The following RTEL1 variants were observed in gnomAD, a reference collection of about 807,000 sequenced individuals.
The protein encoded by RTEL1 is regulator of telomere length.
In RTEL1, 86 loss-of-function variants were observed where a neutral mutation model predicts 162.2. The ratio of observed to expected loss-of-function variants is 0.53; its 90% confidence interval spans 0.45 to 0.63. The LOEUF (loss-of-function observed/expected upper bound fraction) is 0.63. Ranked by LOEUF, RTEL1 falls within the 30% of genes least tolerant of loss-of-function variation. The probability of loss-of-function intolerance (pLI) is 0.00; values close to 1 mark genes in which losing one functional copy is unlikely to be tolerated. For synonymous variants in RTEL1, 958 were observed against 717.9 expected, an observed-to-expected ratio of 1.33 and a Z score of -5.35; for missense variants, 1,941 against 1,750.2, an observed-to-expected ratio of 1.11 and a Z score of -1.95.
At chr20:63,685,269 C>T (rs1011603950) in intron 14 of RTEL1, among the ~76,000 whole-genome samples, 5 of 152,068 alleles carry the variant, frequency 3.3e-5, no homozygotes, top group African/African-American at 4.8e-5. Flanking sequence ...AGAGGCCCCT[C>T]GGGCTGCCGC....
rs1439083504 is a variant in RTEL1 at position 63,661,275 on chromosome 20, C to T, written c.103-23C>T. The T allele has an allele frequency of 1.2e-6, 2 of 1,608,344 alleles. No individual in the cohort carries two copies. Among genetic ancestry groups the T allele is most frequent in the Non-Finnish European group, 1.7e-6 (2 of 1,177,506 alleles). On this transcript the variant is annotated intron_variant, in intron 2 of 34. Transcript: ENST00000360203. This position sits in a 1 kb window ranked among gnomAD's most constrained non-coding sequence, Gnocchi z 5.1. ...TCGCCTCTTCCTGGCTTCCCCGTAA[C>T]CCTTGCTCCGAACTCCGTTCAGAAG...
intron 1 of RTEL1, 117 bp downstream of exon 1, chr20:63,658,583 G>C (rs1233359333): frequency 6.6e-6 from 1 of 152,278 alleles, no homozygotes; most frequent in Non-Finnish European, 1.5e-5. Context: ...GCCGCGGGTC[G>C]GCGGATTGGC....
chr20:63,695,284 A>G (rs776900725), intron 33 of RTEL1, 44 bp from the exon 34 acceptor site: 1 of 1,593,490 alleles, frequency 6.3e-7, no homozygotes, highest in South Asian at 1.1e-5. Flanking sequence ...GGGAGTGAGC[A>G]GCAAAGCCCC....
chr20:63,690,722 C>T, intron 26 of RTEL1, 83 bp from the exon 27 acceptor site: 1 of 1,454,794 alleles, frequency 6.9e-7, no homozygotes, highest in Non-Finnish European at 9.2e-7. Context: ...CTGGGACTCT[C>T]CCCCAAGAGG....
chr20:63,667,423 C>G (rs1359192958), intron 7 of RTEL1, 46 bp from the exon 8 acceptor site: 1 of 1,481,558 alleles, frequency 6.7e-7, no homozygotes, highest in African/African-American at 1.4e-5. Context: ...GGGGCACCGT[C>G]CCCTGCATGG....
Position 63,690,346 on chromosome 20 carries a change from C to T in RTEL1, c.2318C>T (p.Ala773Val), listed in dbSNP as rs746270116. ...ATAPSVRGED[A>V]VSEAKSPGPF... Reference sequence around the variant, plus strand: ...GCACCCAGTGTGCGTGGAGAAGATGCTGTCAGCGAGGCCAAGTCGCCTGGC... The same window carrying T: ...GCACCCAGTGTGCGTGGAGAAGATGTTGTCAGCGAGGCCAAGTCGCCTGGC... Residue 773 changes from alanine (A) to valine (V), a missense_variant, in exon 26 of 35, where the codon GCT (alanine) becomes GTT (valine). Ala to Val is a moderately conservative substitution (Grantham distance 64). Coordinates refer to ENST00000360203, the MANE Select transcript of RTEL1 (RefSeq NM_001283009.2). 1.2e-6 allele frequency: 2 copies of T among 1,611,654 alleles called. No individual in the cohort carries two copies. The highest frequency in any genetic ancestry group is 1.1e-5 in the South Asian group (1 of 91,006).
chr20:63,694,217 G>A (rs2090905681), intron 30 of RTEL1, 155 bp from the exon 31 acceptor site: 1 of 668,010 alleles, frequency 1.5e-6, no homozygotes, highest in Non-Finnish European at 2.7e-6. Context: ...TGTCTCCTCT[G>A]ATGCCCCCAG....
intron 9 of RTEL1, among the ~76,000 whole-genome samples, chr20:63,673,461 CAG>C (rs1329334654): frequency 2.0e-5 from 3 of 152,120 alleles, no homozygotes; most frequent in African/African-American, 7.2e-5. Context: ...TTTGTTGAGA[CAG>C]GGTCTCCTTC....
rs762474261 is a variant in RTEL1 at position 63,693,276 on chromosome 20, C to G, written c.2985C>G (p.Asp995Glu). The G allele has an allele frequency of 3.1e-6, 5 of 1,611,620 alleles. No individual in the cohort carries two copies. In the African/African-American group the frequency reaches 5.3e-5, roughly 17 times the overall value. ...GGCAGCGGGCACAGCCGGTCCTGGACCCCACTGGTAAATGGGGCCCCAGGT... is the reference window on the plus strand; with the variant it reads ...GGCAGCGGGCACAGCCGGTCCTGGAGCCCACTGGTAAATGGGGCCCCAGGT... ...PRRQRAQPVL[D>E]PTGRTAPDPK... The change falls in exon 30 of 35, where the codon GAC becomes GAG. Residue 995 changes from aspartate to glutamate, a missense_variant. By Grantham distance (45) the Asp-to-Glu change is conservative. Transcript: ENST00000360203.
At chr20:63,685,140 A>T (rs2090563244) in intron 14 of RTEL1, among the ~76,000 whole-genome samples, 1 of 142,768 alleles carries the variant, frequency 7.0e-6, no homozygotes, top group Non-Finnish European at 1.5e-5. Context: ...TGCTCCTCTC[A>T]GCCTCCCGGA....
intron 12 of RTEL1, among the ~76,000 whole-genome samples, chr20:63,678,961 T>G (rs2090428539): frequency 6.6e-6 from 1 of 152,134 alleles, no homozygotes; most frequent in African/African-American, 2.4e-5. Context: ...TTCCTGCAGT[T>G]TCTCCTCCTC....
intron 8 of RTEL1, among the ~76,000 whole-genome samples, chr20:63,671,365 A>AAG (rs2090237864): frequency 6.6e-6 from 1 of 151,988 alleles, no homozygotes; most frequent in African/African-American, 2.4e-5. Context: ...GGCTGGACCT[A>AAG]CTGTTTTATT....
chr20:63,689,750 T>G lies in RTEL1; in HGVS notation c.2026T>G (p.Phe676Val), dbSNP rs1384028901. 4 of 1,611,500 alleles carry G rather than the reference T, an allele frequency of 2.5e-6. No homozygotes were observed. The highest frequency in any genetic ancestry group is 3.4e-6 in the Non-Finnish European group (4 of 1,179,238). Residue 676 changes from phenylalanine (F) to valine (V), a missense_variant and splice_region_variant, in exon 24 of 35, where the codon TTC becomes GTC. By Grantham distance (50) the Phe-to-Val change is conservative. Transcript: ENST00000360203. ...GTGACCGAGCCGCCTCGCCCCACAG[T>G]TCCTCTCTGGGCAGGAGTGGTACCG... ...MKGQGGAGGQ[F>V]LSGQEWYRQQ... is the part of the protein sequence containing the mutation.
intron 14 of RTEL1, chr20:63,681,301 T>C: frequency 1.0e-6 from 1 of 985,306 alleles, no homozygotes; most frequent in Non-Finnish European, 1.2e-6. Context: ...CTTGTCCGGT[T>C]TGTGGAGGGC....
At chr20:63,674,384 C>T (rs1170857220) in intron 10 of RTEL1, among the ~76,000 whole-genome samples, 1 of 152,202 alleles carries the variant, frequency 6.6e-6, no homozygotes, top group Non-Finnish European at 1.5e-5. Flanking sequence ...TTCAGTAGTT[C>T]TGGTATTTTC....
At chr20:63,680,597 G>A (rs2090459098) in intron 13 of RTEL1, 67 bp from the exon 14 acceptor site, 1 of 1,553,972 alleles carries the variant, frequency 6.4e-7, no homozygotes, top group Non-Finnish European at 8.8e-7. Flanking sequence ...CATGCTGGAA[G>A]GGCCGGGGCT....
intron 13 of RTEL1, 36 bp from the exon 14 acceptor site, chr20:63,680,628 C>T: frequency 1.2e-6 from 2 of 1,610,694 alleles, no homozygotes; most frequent in Non-Finnish European, 1.7e-6. Flanking sequence ...CCTCCCCTGC[C>T]TGCAGTGTGG....
chr20:63,666,871 G>C (rs548298574), intron 7 of RTEL1, among the ~76,000 whole-genome samples: 2 of 121,378 alleles, frequency 1.6e-5, no homozygotes, highest in African/African-American at 6.5e-5. Context: ...ACGGAGTCTC[G>C]CTCTGTCGCC....
rs1191640074 is a variant in RTEL1 at position 63,661,443 on chromosome 20, A to G, written c.248A>G (p.Asp83Gly). Residue 83 changes from aspartate (D) to glycine (G), a missense_variant, in exon 3 of 35, where the codon GAT becomes GGT. Coordinates refer to ENST00000360203, the MANE Select transcript of RTEL1 (RefSeq NM_001283009.2). This position sits in a 1 kb window ranked among gnomAD's most constrained non-coding sequence, Gnocchi z 5.1. ...AERAQGELFPDRALSSWGNAA... is the reference protein window; with the variant it reads ...AERAQGELFPGRALSSWGNAA... ...AGGGCGCAAGGAGAGCTTTTCCCGG[A>G]TCGGGCCTTGTCATCCTGGGGCAAC... is the stretch of plus-strand genomic sequence containing the variant. 2.5e-6 allele frequency: 4 copies of G among 1,613,358 alleles called. No individual in the cohort carries two copies. Among genetic ancestry groups the G allele is most frequent in the East Asian group, 4.5e-5 (2 of 44,858 alleles).
Sources: gnomAD v4.1 joint callset for allele counts (sites outside exome capture counted in the v4.1 genomes callset) on GRCh38, gnomAD v4.1.1 for gene constraint, Gnocchi (gnomAD v3.1) non-coding constraint, MANE v1.5 for transcripts, NCBI Gene and HGNC (gene_info 2026-07-23, HGNC 2026-07-21) for gene names.